Variants in H3-3A observed in about 807,000 individuals in gnomAD.
The protein encoded by H3-3A is histone H3.3.
For synonymous variants in H3-3A, 49 were observed against 61.4 expected (o/e 0.80, Z 0.95); for missense variants, 7 against 184.0 (o/e 0.04, Z 5.57).
chr1:226,064,493 G>C lies in H3-3A; in HGVS notation c.128+14G>C, dbSNP rs1332877323. 1 of 1,595,180 alleles carries C rather than the reference G, an allele frequency of 6.3e-7. No individual in the cohort carries two copies. Among genetic ancestry groups the C allele is most frequent in the Non-Finnish European group, 8.6e-7 (1 of 1,168,900 alleles). Reference sequence around the variant, plus strand: ...TCATCGTTACAGGTATTAAAAAACAGGAAAAAAATGGGACAAAGTCTCTCT... The same window carrying C: ...TCATCGTTACAGGTATTAAAAAACACGAAAAAAATGGGACAAAGTCTCTCT... On this transcript the variant is annotated intron_variant, in intron 2 of 3. Coordinates refer to ENST00000366815, the MANE Select transcript of H3-3A (RefSeq NM_002107.7).
chr1:226,069,354 ATTT>A (rs888871220), intron 3 of H3-3A, among the ~76,000 whole-genome samples: 3 of 152,048 alleles, frequency 2.0e-5, no homozygotes, highest in Non-Finnish European at 4.4e-5. Flanking sequence ...CTGGTCTGGA[ATTT>A]TTTTTATTAG....
At chr1:226,064,223 T>G in intron 1 of H3-3A, 106 bp from the exon 2 acceptor site, 1 of 756,396 alleles carries the variant, frequency 1.3e-6, no homozygotes, top group Admixed American at 2.8e-5. Flanking sequence ...ACATTATTTT[T>G]TATACTGATC....
intron 2 of H3-3A, 23 bp from the exon 3 acceptor site, chr1:226,065,633 G>C (rs1657900946): frequency 6.6e-7 from 1 of 1,518,590 alleles, no homozygotes; most frequent in South Asian, 1.3e-5. Flanking sequence ...TTTGGTAACA[G>C]TTTCTTTATT....
At position 226,071,760 on chromosome 1, in the gene H3-3A, ATAAT is replaced by A. The variant is rs1658136746; in HGVS notation, c.*284_*287del. The A allele has an allele frequency of 2.2e-5, 5 of 225,042 alleles. No homozygotes were observed. The Admixed American group carries it at 3.3e-4, about 15-fold the overall frequency. The allele number at this position is 225,042 out of a possible 1,614,324, so 13.9% of individuals were successfully genotyped here. ...CAAGTTTCAGCGGTTCAACTTTATA[ATAAT>A]TATAAATAAACCTGTTAAATTTTTC... On this transcript the variant is annotated 3_prime_UTR_variant, in exon 4 of 4. Transcript: ENST00000366815.
At chr1:226,062,841 G>A (rs1456299137) in intron 1 of H3-3A, 30 bp downstream of exon 1, 1 of 159,998 alleles carries the variant, frequency 6.3e-6, no homozygotes, top group Non-Finnish European at 1.5e-5. Context: ...CGCTTCCCCG[G>A]AACCGAGCCC....
At chr1:226,065,836 A>C in intron 3 of H3-3A, 27 bp downstream of exon 3, 1 of 1,535,616 alleles carries the variant, frequency 6.5e-7, no homozygotes, top group Non-Finnish European at 8.9e-7. Flanking sequence ...GAAGACTCAG[A>C]GTTTGTATTC....
upstream of H3-3A, chr1:226,062,053 A>C (rs1295992014): frequency 1.3e-5 from 2 of 152,134 alleles, no homozygotes; most frequent in African/African-American, 4.8e-5. Flanking sequence ...GCAGGCGGGA[A>C]GGAGGCCGTC....
chr1:226,067,038 C>T (rs952806050), intron 3 of H3-3A: 1 of 152,158 alleles, frequency 6.6e-6, no homozygotes, highest in African/African-American at 2.4e-5. Context: ...AGCCGATTAT[C>T]TTCAGTTCTT....
At chr1:226,070,450 C>T (rs2102741538) in intron 3 of H3-3A, among the ~76,000 whole-genome samples, 1 of 149,614 alleles carries the variant, frequency 6.7e-6, no homozygotes, top group South Asian at 2.1e-4. Context: ...CCAGCCTGGG[C>T]AACAAAGAGA....
chr1:226,064,267 G>T, intron 1 of H3-3A, 62 bp from the exon 2 acceptor site: 1 of 1,187,338 alleles, frequency 8.4e-7, no homozygotes, highest in Non-Finnish European at 1.2e-6. Flanking sequence ...GGTGATCGTG[G>T]CAGGAAAAGT....
At chr1:226,063,139 C>G (rs975793781) in intron 1 of H3-3A, among the ~76,000 whole-genome samples, 6 of 151,892 alleles carry the variant, frequency 4.0e-5, no homozygotes, top group African/African-American at 1.5e-4. Context: ...TCACCATGAC[C>G]CGCGCGGGCC....
chr1:226,070,641 C>T (rs1023796559), intron 3 of H3-3A, among the ~76,000 whole-genome samples: 7 of 148,954 alleles, frequency 4.7e-5, no homozygotes, highest in Non-Finnish European at 5.9e-5. Context: ...GGCATGGTGG[C>T]GCATACCTGT....
intron 3 of H3-3A, 26 bp downstream of exon 3, chr1:226,065,835 G>A: frequency 6.5e-7 from 1 of 1,538,400 alleles, no homozygotes; most frequent in South Asian, 1.2e-5. Flanking sequence ...GGAAGACTCA[G>A]AGTTTGTATT....
At chr1:226,067,803 C>T (rs971121255) in intron 3 of H3-3A, among the ~76,000 whole-genome samples, 1 of 151,642 alleles carries the variant, frequency 6.6e-6, no homozygotes, top group Non-Finnish European at 1.5e-5. Context: ...AATAGAAGAT[C>T]GCAATTGAAG....
chr1:226,069,693 T>C (rs1245736087), intron 3 of H3-3A, among the ~76,000 whole-genome samples: 1 of 152,004 alleles, frequency 6.6e-6, no homozygotes, highest in Non-Finnish European at 1.5e-5. Flanking sequence ...TAGCTGGACG[T>C]GATGGTGCAT....
intron 3 of H3-3A, among the ~76,000 whole-genome samples, chr1:226,069,554 G>A (rs144361830): frequency 0.013 from 1,922 of 152,190 alleles, 51 homozygotes; most frequent in East Asian, 0.089. Flanking sequence ...TAAGCAGGCC[G>A]GGCATGGCGG....
chr1:226,068,217 G>A (rs1261314550), intron 3 of H3-3A, among the ~76,000 whole-genome samples: 1 of 152,192 alleles, frequency 6.6e-6, no homozygotes, highest in African/African-American at 2.4e-5. Flanking sequence ...AATTGGAAAT[G>A]TATGGGTCAT....
intron 2 of H3-3A, 34 bp downstream of exon 2, chr1:226,064,513 C>T (rs762679777): frequency 6.3e-7 from 1 of 1,586,686 alleles, no homozygotes; most frequent in South Asian, 1.1e-5. Context: ...GGGACAAAGT[C>T]TCTCTTGTAT....
intron 1 of H3-3A, 171 bp from the exon 2 acceptor site, chr1:226,064,155 CAAG>C: frequency 1.9e-6 from 1 of 515,528 alleles, no homozygotes; most frequent in African/African-American, 2.0e-5. Flanking sequence ...TAGTTTGTTT[CAAG>C]AAGAGATTTT....
Sources: gnomAD v4.1 joint callset for allele counts (sites outside exome capture counted in the v4.1 genomes callset) on GRCh38, gnomAD v4.1.1 for gene constraint, MANE v1.5 for transcripts, NCBI Gene and HGNC (gene_info 2026-07-23, HGNC 2026-07-21) for gene names.